Variants in IRAG2 observed in about 807,000 individuals in gnomAD.
IRAG2 encodes the protein inositol 1,4,5-triphosphate receptor associated 2.
A neutral mutation model predicts 69.9 loss-of-function variants in IRAG2; 45 were observed. The ratio of observed to expected loss-of-function variants is 0.64; its 90% CI spans 0.51 to 0.83. The LOEUF is 0.83. IRAG2 is among the 40% of genes least tolerant of loss of function. The pLI is 0.00. For synonymous variants in IRAG2, 193 were observed against 202.4 expected, an observed-to-expected ratio of 0.95 and a Z score of 0.40; for missense variants, 520 against 587.0, an observed-to-expected ratio of 0.89 and a Z score of 1.18.
chr12:24,998,440 T>C, the IRAG2 span, among the ~76,000 whole-genome samples: 1 of 152,330 alleles, frequency 6.6e-6, no homozygotes, highest in Middle Eastern at 3.4e-3. Flanking sequence ...AGTGTTATTA[T>C]TTTATCACAT....
chr12:25,016,758 A>G (rs1162081311), intron 5 of IRAG2, among the ~76,000 whole-genome samples: 1 of 151,890 alleles, frequency 6.6e-6, no homozygotes, highest in East Asian at 1.9e-4. Context: ...AAAAAATGAA[A>G]AAAAAAAAAA....
upstream of IRAG2, among the ~76,000 whole-genome samples, chr12:25,051,703 T>C (rs1944876017): frequency 6.6e-6 from 1 of 152,252 alleles, no homozygotes; most frequent in African/African-American, 2.4e-5. Flanking sequence ...AGCTTTCATC[T>C]GTGCCTGGGG....
At chr12:25,000,262 A>G (rs773721191), upstream of IRAG2, among the ~76,000 whole-genome samples, 5 of 152,216 alleles carry the variant, frequency 3.3e-5, no homozygotes, top group African/African-American at 2.4e-5. Flanking sequence ...CCTGGGCAAC[A>G]TGGGGAAACC....
chr12:25,102,317 C>A, intron 17 of IRAG2, 76 bp downstream of exon 17: 2 of 1,125,592 alleles, frequency 1.8e-6, no homozygotes, highest in Non-Finnish European at 2.6e-6. Flanking sequence ...AAGTTTCAGG[C>A]CTTTATATGT....
chr12:25,103,968 A>ATATT (rs1485905298), intron 18 of IRAG2, 41 bp from the exon 19 acceptor site: 3 of 1,604,122 alleles, frequency 1.9e-6, no homozygotes, highest in African/African-American at 2.7e-5. Flanking sequence ...ATATAAACGT[A>ATATT]TATTTTATCA....
Position 25,108,145 on chromosome 12 carries a change from T to A in IRAG2, c.*85T>A. 1.4e-6 allele frequency: 2 copies of A among 1,466,160 alleles called. No individual in the cohort carries two copies. Among genetic ancestry groups the A allele is most frequent in the Non-Finnish European group, 9.3e-7 (1 of 1,079,594 alleles). The allele number at this position is 1,466,160 out of a possible 1,614,324, so 90.8% of individuals were successfully genotyped here. ...AATTAGTAACTTTTAGCTGGGAAAGTATAGCATGAAACCAGAGGTTCTCAG... is the reference window on the plus strand; with the variant it reads ...AATTAGTAACTTTTAGCTGGGAAAGAATAGCATGAAACCAGAGGTTCTCAG... On this transcript the variant is annotated 3_prime_UTR_variant, in exon 22 of 22. Coordinates refer to ENST00000556887, the MANE Select transcript of IRAG2 (RefSeq NM_001366544.2).
At chr12:25,063,085 C>A (rs2139980797) in intron 3 of IRAG2, among the ~76,000 whole-genome samples, 185 bp downstream of exon 3, 1 of 152,270 alleles carries the variant, frequency 6.6e-6, no homozygotes, top group South Asian at 2.1e-4. Context: ...ACACACAAAC[C>A]TAGTTGGTCC....
At chr12:25,079,491 T>G in intron 8 of IRAG2, 29 bp downstream of exon 8, 1 of 1,568,282 alleles carries the variant, frequency 6.4e-7, no homozygotes, top group Non-Finnish European at 8.8e-7. Context: ...AATATTAAAA[T>G]AGACTGTTAG....
At chr12:25,057,264 T>TTG (rs1945324577) in intron 1 of IRAG2, among the ~76,000 whole-genome samples, 3 of 141,496 alleles carry the variant, frequency 2.1e-5, no homozygotes, top group Admixed American at 7.0e-5. Context: ...TTTTTTTTTT[T>TTG]TTTTTTTTTT....
intron 6 of IRAG2, chr12:25,076,277 A>T (rs549901497): frequency 2.9e-5 from 9 of 305,654 alleles, no homozygotes; most frequent in Non-Finnish European, 4.3e-5. Flanking sequence ...AGGTAGTATT[A>T]AATGGCTACT....
intron 7 of IRAG2, 44 bp downstream of exon 7, chr12:25,079,334 A>T (rs887458987): frequency 6.2e-7 from 1 of 1,610,160 alleles, no homozygotes. Flanking sequence ...ATGCATATTT[A>T]GTTGGTTTTA....
chr12:25,094,256 T>C (rs1948272307), intron 14 of IRAG2, among the ~76,000 whole-genome samples: 1 of 152,204 alleles, frequency 6.6e-6, no homozygotes, highest in Non-Finnish European at 1.5e-5. Flanking sequence ...TGAGTTAATT[T>C]TCATATATGA....
chr12:25,005,069 CA>C (rs1443595381), intron 1 of IRAG2, among the ~76,000 whole-genome samples: 2 of 150,598 alleles, frequency 1.3e-5, no homozygotes, highest in African/African-American at 4.9e-5. Context: ...GTTTCCAGAA[CA>C]AAACAGAACG....
At chr12:25,102,109 T>G in intron 16 of IRAG2, 89 bp from the exon 17 acceptor site, 1 of 929,980 alleles carries the variant, frequency 1.1e-6, no homozygotes, top group South Asian at 1.4e-5. Flanking sequence ...TCTTCTGAAT[T>G]TTGCTTTACC....
At chr12:25,084,540 G>GGT (rs34550767) in intron 10 of IRAG2, among the ~76,000 whole-genome samples, 58,157 of 147,164 alleles carry the variant, frequency 0.4, 12,215 homozygotes, top group East Asian at 0.73. Flanking sequence ...TGCATGGAGG[G>GGT]GTGTGTGTGT....
At chr12:25,089,723 T>C (rs774650468) in intron 12 of IRAG2, 40 bp from the exon 13 acceptor site, 1 of 1,611,432 alleles carries the variant, frequency 6.2e-7, no homozygotes, top group South Asian at 1.1e-5. Flanking sequence ...TATTTTTCTG[T>C]TGGATTATGT....
At chr12:25,035,138 A>G (rs1052575856) in intron 13 of IRAG2, among the ~76,000 whole-genome samples, 1 of 152,208 alleles carries the variant, frequency 6.6e-6, no homozygotes, top group African/African-American at 2.4e-5. Flanking sequence ...TAGAATCTCA[A>G]AGTAAGAGTC....
chr12:25,027,427 C>T (rs1393323264), intron 9 of IRAG2, among the ~76,000 whole-genome samples: 2 of 146,176 alleles, frequency 1.4e-5, no homozygotes, highest in Non-Finnish European at 3.0e-5. Flanking sequence ...CAGAATCTCG[C>T]TCTTTTGCCC....
At chr12:25,105,560 T>C (rs1004175983) in intron 20 of IRAG2, among the ~76,000 whole-genome samples, 2 of 152,190 alleles carry the variant, frequency 1.3e-5, no homozygotes, top group Non-Finnish European at 2.9e-5. Context: ...TTTTCTTTTT[T>C]TTAAAGTCCT....
Sources: gnomAD v4.1 joint callset for allele counts (sites outside exome capture counted in the v4.1 genomes callset) on GRCh38, gnomAD v4.1.1 for gene constraint, MANE v1.5 for transcripts, NCBI Gene and HGNC (gene_info 2026-07-23, HGNC 2026-07-21) for gene names.